LRP1B: variants seen among roughly 807,000 people sequenced by gnomAD.
The protein encoded by LRP1B is low-density lipoprotein receptor-related protein 1B.
LRP1B carries 217 observed loss-of-function variants against 556.6 expected under a neutral mutation model. The observed-to-expected ratio is 0.39, with a 90% CI of 0.35 to 0.44. The LOEUF (loss-of-function observed/expected upper bound fraction) is 0.44. Among genes scored for constraint, LRP1B ranks in the 20% least tolerant of loss-of-function variants. The probability of loss-of-function intolerance (pLI) is 1.00; values close to 1 mark genes in which losing one functional copy is unlikely to be tolerated. For missense variants in LRP1B, 5,053 were observed against 5,620.8 expected (o/e 0.90, Z 3.23); for synonymous variants, 2,047 against 1,865.8 (o/e 1.10, Z -2.50).
intron 43 of LRP1B, among the ~76,000 whole-genome samples, chr2:140,561,553 C>T (rs1041564178): frequency 2.0e-5 from 3 of 151,974 alleles, no homozygotes; most frequent in African/African-American, 4.8e-5. Context: ...ATAGAAGTGT[C>T]GGCTGTGACT....
At chr2:141,299,680 A>G (rs1309664011) in intron 3 of LRP1B, among the ~76,000 whole-genome samples, 1 of 152,186 alleles carries the variant, frequency 6.6e-6, no homozygotes, top group Non-Finnish European at 1.5e-5. Context: ...AATATTCACA[A>G]ATAAATTCAA....
At chr2:140,988,586 G>T (rs1471510837) in intron 17 of LRP1B, among the ~76,000 whole-genome samples, 1 of 152,080 alleles carries the variant, frequency 6.6e-6, no homozygotes, top group Non-Finnish European at 1.5e-5. Flanking sequence ...AATCAAAAGT[G>T]CAGAGAGGTA....
At chr2:141,297,641 C>T (rs968848263) in intron 3 of LRP1B, among the ~76,000 whole-genome samples, 23 of 152,102 alleles carry the variant, frequency 1.5e-4, no homozygotes, top group African/African-American at 5.1e-4. Context: ...AAAATCCTGA[C>T]CTTTTTCAGT....
chr2:141,971,817 A>G (rs1276668925), intron 1 of LRP1B, among the ~76,000 whole-genome samples: 1 of 151,458 alleles, frequency 6.6e-6, no homozygotes, highest in Non-Finnish European at 1.5e-5. Flanking sequence ...TTATTTATTG[A>G]ACCTGGCAGA....
chr2:141,510,876 A>AC, intron 2 of LRP1B, among the ~76,000 whole-genome samples: 2 of 32,652 alleles, frequency 6.1e-5, no homozygotes, highest in African/African-American at 9.2e-5. Flanking sequence ...TTCCTTGTCT[A>AC]AACACACACA....
Position 141,544,337 on chromosome 2 carries a change from C to CCTCTTCTTCTTCTTCTTCTTCTT in LRP1B, c.206-63805_206-63804insAAGAAGAAGAAGAAGAAGAAGAG, listed in dbSNP as rs1559131152. Among the ~76,000 whole-genome samples the CCTCTTCTTCTTCTTCTTCTTCTT allele has an allele frequency of 3.1e-3, 208 of 67,238 alleles. 2 individuals carry two copies. The highest frequency in any genetic ancestry group is 0.011 in the African/African-American group (198 of 17,488). The allele number at this position is 67,238 out of a possible 152,430, so 44.1% of individuals were successfully genotyped here. ...TCTTCTTCTTCTTCTTCTTCTTCTT[C>CCTCTTCTTCTTCTTCTTCTTCTT]TTCTTCTTCTTCTTCTTCTTCTTCT... On this transcript the variant is annotated intron_variant, in intron 2 of 90. Coordinates refer to ENST00000389484, the MANE Select transcript of LRP1B (RefSeq NM_018557.3).
chr2:140,853,648 G>T (rs1193166575), intron 27 of LRP1B, among the ~76,000 whole-genome samples: 1 of 151,430 alleles, frequency 6.6e-6, no homozygotes, highest in East Asian at 1.9e-4. Context: ...CTTACATCAA[G>T]ATGATAAAAG....
chr2:141,161,473 T>C (rs1680031441), intron 7 of LRP1B, among the ~76,000 whole-genome samples: 1 of 152,174 alleles, frequency 6.6e-6, no homozygotes, highest in African/African-American at 2.4e-5. Context: ...TCAGAAATAA[T>C]GAAGTCATTT....
At chr2:140,523,164 A>G (rs970174932) in intron 49 of LRP1B, among the ~76,000 whole-genome samples, 2 of 151,968 alleles carry the variant, frequency 1.3e-5, no homozygotes, top group African/African-American at 4.8e-5. Context: ...AGCAAACCAA[A>G]TCCTGTGTCA....
intron 2 of LRP1B, among the ~76,000 whole-genome samples, chr2:141,597,969 C>T (rs889530310): frequency 6.6e-6 from 1 of 151,916 alleles, no homozygotes. Context: ...CCCAAAGGAA[C>T]AGTATTATGC....
intron 2 of LRP1B, among the ~76,000 whole-genome samples, chr2:141,634,915 T>G (rs1211941062): frequency 1.3e-5 from 2 of 151,852 alleles, no homozygotes; most frequent in African/African-American, 4.8e-5. Context: ...ATTATTAGAG[T>G]GGTGGTTATT....
At chr2:142,023,692 T>C (rs924447783) in intron 1 of LRP1B, among the ~76,000 whole-genome samples, 2 of 152,202 alleles carry the variant, frequency 1.3e-5, no homozygotes, top group African/African-American at 4.8e-5. Flanking sequence ...AGCCAATTAA[T>C]GAATTTCTAA....
intron 66 of LRP1B, among the ~76,000 whole-genome samples, chr2:140,387,989 T>C (rs898596509): frequency 1.3e-5 from 2 of 150,248 alleles, no homozygotes; most frequent in African/African-American, 4.9e-5. Context: ...CAGGCTGGAG[T>C]GCAGTGGCAT....
chr2:141,102,647 G>A (rs1700491789), intron 7 of LRP1B, among the ~76,000 whole-genome samples: 1 of 151,762 alleles, frequency 6.6e-6, no homozygotes, highest in African/African-American at 2.4e-5. Context: ...CACCAACTCA[G>A]GTCTCAATAA....
At chr2:141,846,233 T>A (rs1022070217) in intron 1 of LRP1B, among the ~76,000 whole-genome samples, 11 of 151,740 alleles carry the variant, frequency 7.2e-5, no homozygotes, top group Non-Finnish European at 1.5e-4. Context: ...GTAAAAATTT[T>A]ATTTAATAAA....
At chr2:141,523,061 T>C (rs756093281) in intron 2 of LRP1B, among the ~76,000 whole-genome samples, 2 of 152,116 alleles carry the variant, frequency 1.3e-5, no homozygotes, top group African/African-American at 2.4e-5. Flanking sequence ...TATTTTCTTC[T>C]CTTAATACAG....
intron 3 of LRP1B, among the ~76,000 whole-genome samples, chr2:141,394,312 T>G (rs569550739): frequency 6.6e-6 from 1 of 152,148 alleles, no homozygotes; most frequent in Non-Finnish European, 1.5e-5. Flanking sequence ...ATTTTAGTCT[T>G]AAGAGATTAT....
At chr2:141,768,961 A>G (rs1694816752) in intron 2 of LRP1B, among the ~76,000 whole-genome samples, 1 of 151,978 alleles carries the variant, frequency 6.6e-6, no homozygotes. Flanking sequence ...TATCTATGTC[A>G]TTTAATTCTC....
intron 7 of LRP1B, among the ~76,000 whole-genome samples, chr2:141,063,430 T>G (rs189082836): frequency 6.6e-6 from 1 of 151,992 alleles, no homozygotes; most frequent in Admixed American, 6.6e-5. Flanking sequence ...CAAGCTAGAT[T>G]TTATTATAAG....
Sources: allele counts gnomAD v4.1 joint callset (sites outside exome capture counted in the v4.1 genomes callset), GRCh38; gene constraint gnomAD v4.1.1; transcripts MANE v1.5; gene names NCBI Gene and HGNC (gene_info 2026-07-23, HGNC 2026-07-21).